Variants in DNAJB6 observed in about 807,000 individuals in gnomAD.
DNAJB6 encodes the protein dnaJ homolog subfamily B member 6.
DNAJB6 carries 16 observed loss-of-function variants against 42.7 expected under a neutral mutation model. That is an observed-to-expected ratio of 0.37 (90% confidence interval 0.25 to 0.57). The LOEUF is 0.57. Ranked by LOEUF, DNAJB6 falls within the 20% of genes least tolerant of loss-of-function variation. The pLI is 0.74. For missense variants in DNAJB6, 347 were observed against 416.8 expected, an observed-to-expected ratio of 0.83 and a Z score of 1.46; for synonymous variants, 170 against 163.5, an observed-to-expected ratio of 1.04 and a Z score of -0.30.
At chr7:157,383,884 C>T (rs1800918397) in intron 6 of DNAJB6, among the ~76,000 whole-genome samples, 1 of 152,060 alleles carries the variant, frequency 6.6e-6, no homozygotes, top group Admixed American at 6.5e-5. Context: ...TTTGTATTTC[C>T]AATTGAAATA....
At chr7:157,342,691 A>G (rs181241684) in intron 1 of DNAJB6, among the ~76,000 whole-genome samples, 2 of 151,756 alleles carry the variant, frequency 1.3e-5, no homozygotes, top group East Asian at 3.9e-4. Context: ...TTGTGACCTC[A>G]ATCCACCTTC....
intron 1 of DNAJB6, chr7:157,340,145 T>G (rs751668457): frequency 6.6e-6 from 1 of 152,260 alleles, no homozygotes; most frequent in Non-Finnish European, 1.5e-5. Flanking sequence ...GTTGACGTTT[T>G]GACGGGATTT....
intron 1 of DNAJB6, among the ~76,000 whole-genome samples, chr7:157,345,542 CTT>C (rs1798641630): frequency 6.6e-6 from 1 of 152,074 alleles, no homozygotes; most frequent in South Asian, 2.1e-4. Flanking sequence ...GTCTCAAGCT[CTT>C]GGGCTCAAGT....
chr7:157,408,638 T>C (rs1312376650), intron 8 of DNAJB6, among the ~76,000 whole-genome samples: 1 of 152,236 alleles, frequency 6.6e-6, no homozygotes, highest in Non-Finnish European at 1.5e-5. Context: ...CCGTTCTCTC[T>C]GTTGTGGTTG....
intron 5 of DNAJB6, 110 bp from the exon 6 acceptor site, chr7:157,382,136 T>A: frequency 7.8e-7 from 1 of 1,286,986 alleles, no homozygotes; most frequent in Middle Eastern, 2.2e-4. Context: ...CTCTTAAGTT[T>A]TTTGTTCCTG....
chr7:157,348,366 T>G (rs1018852636), intron 1 of DNAJB6, among the ~76,000 whole-genome samples: 2 of 152,234 alleles, frequency 1.3e-5, no homozygotes, highest in African/African-American at 4.8e-5. Context: ...AGTGCTGGAA[T>G]TACAGGCATG....
intron 2 of DNAJB6, among the ~76,000 whole-genome samples, 199 bp from the exon 3 acceptor site, chr7:157,362,962 C>T (rs768123232): frequency 3.3e-4 from 50 of 152,136 alleles, no homozygotes; most frequent in Non-Finnish European, 1.3e-4. Context: ...TGTGGCTGCA[C>T]GCCACTACGC....
chr7:157,353,755 C>T (rs931174404), intron 1 of DNAJB6, among the ~76,000 whole-genome samples: 3 of 152,128 alleles, frequency 2.0e-5, no homozygotes, highest in Non-Finnish European at 2.9e-5. Flanking sequence ...GACAACCTTC[C>T]TGGCTCAAGT....
intron 1 of DNAJB6, among the ~76,000 whole-genome samples, chr7:157,348,972 G>C (rs887663819): frequency 1.3e-5 from 2 of 152,204 alleles, no homozygotes; most frequent in African/African-American, 4.8e-5. Flanking sequence ...TAAAATGTCA[G>C]TGTTAATTTT....
At chr7:157,380,259 T>C (rs1182227039) in intron 5 of DNAJB6, 2 of 152,224 alleles carry the variant, frequency 1.3e-5, no homozygotes, top group Non-Finnish European at 2.9e-5. Flanking sequence ...GACACAATGG[T>C]GTGCAGGCTA....
At chr7:157,363,313 C>G (rs200897286) in intron 3 of DNAJB6, 43 bp downstream of exon 3, 1 of 1,369,104 alleles carries the variant, frequency 7.3e-7, no homozygotes, top group East Asian at 2.3e-5. Context: ...GCGGGCATGC[C>G]GGAATGCGGA....
chr7:157,337,764 C>G (rs1456416214), intron 1 of DNAJB6: 1 of 152,250 alleles, frequency 6.6e-6, no homozygotes, highest in African/African-American at 2.4e-5. Context: ...GTAGTTGATG[C>G]AACTGAAGTT....
intron 8 of DNAJB6, among the ~76,000 whole-genome samples, chr7:157,401,436 C>T (rs1795515111): frequency 6.6e-6 from 1 of 152,152 alleles, no homozygotes; most frequent in Admixed American, 6.5e-5. Flanking sequence ...GTCTTGAACT[C>T]CTGACCTCAG....
intron 8 of DNAJB6, among the ~76,000 whole-genome samples, chr7:157,397,956 G>A (rs1051634662): frequency 6.6e-6 from 1 of 152,254 alleles, no homozygotes; most frequent in Non-Finnish European, 1.5e-5. Flanking sequence ...AGTTTGCAGT[G>A]AGCTGAGATG....
intron 8 of DNAJB6, among the ~76,000 whole-genome samples, chr7:157,404,464 GTCT>G (rs1181338905): frequency 6.5e-5 from 3 of 45,852 alleles, no homozygotes; most frequent in Non-Finnish European, 1.1e-4. Context: ...GCTAATTTTT[GTCT>G]TTTTTTTTTT....
At chr7:157,397,060 G>A (rs1446760314) in intron 8 of DNAJB6, among the ~76,000 whole-genome samples, 1 of 152,324 alleles carries the variant, frequency 6.6e-6, no homozygotes, top group African/African-American at 2.4e-5. Context: ...CCCTCTCACC[G>A]ATGTGGACGT....
chr7:157,416,234 A>G lies in DNAJB6; in HGVS notation c.*136A>G. The G allele has an allele frequency of 7.2e-7, 1 of 1,388,704 alleles. No homozygotes were observed. Among genetic ancestry groups the G allele is most frequent in the Non-Finnish European group, 9.8e-7 (1 of 1,021,498 alleles). The allele number at this position is 1,388,704 out of a possible 1,614,324, so 86.0% of individuals were successfully genotyped here. Reference sequence around the variant, plus strand: ...CACACTCGCTCGGCAGGATTATGCGATCACGGATCAGTCAGAGCAGGGTCA... The same window carrying G: ...CACACTCGCTCGGCAGGATTATGCGGTCACGGATCAGTCAGAGCAGGGTCA... On this transcript the variant is annotated 3_prime_UTR_variant, in exon 10 of 10. Coordinates refer to ENST00000262177, the MANE Select transcript of DNAJB6 (RefSeq NM_058246.4).
chr7:157,391,582 T>C (rs1371987779), intron 8 of DNAJB6, among the ~76,000 whole-genome samples: 1 of 152,228 alleles, frequency 6.6e-6, no homozygotes, highest in Non-Finnish European at 1.5e-5. Context: ...ATGAGTGGTC[T>C]ATCTAGTGAG....
chr7:157,399,687 G>A (rs769820765), intron 8 of DNAJB6, among the ~76,000 whole-genome samples: 4 of 151,230 alleles, frequency 2.6e-5, no homozygotes, highest in Non-Finnish European at 5.9e-5. Flanking sequence ...TTTTTTTTTG[G>A]AGATGGAGTC....
Sources: allele counts gnomAD v4.1 joint callset (sites outside exome capture counted in the v4.1 genomes callset), GRCh38; gene constraint gnomAD v4.1.1; transcripts MANE v1.5; gene names NCBI Gene and HGNC (gene_info 2026-07-23, HGNC 2026-07-21).